Variants in MAN2B2 observed in about 807,000 individuals in gnomAD.
MAN2B2 encodes the protein epididymis-specific alpha-mannosidase.
Under a neutral mutation model 117.1 loss-of-function variants are expected in MAN2B2, and 106 were observed. The observed-to-expected ratio is 0.90, with a 90% CI of 0.77 to 1.06. The LOEUF (loss-of-function observed/expected upper bound fraction) is 1.06, where lower values mean the gene tolerates loss of function less well. MAN2B2 is among the 50% of genes least tolerant of loss of function. The pLI is 0.00. For synonymous variants in MAN2B2, 544 were observed against 595.1 expected (o/e 0.91, Z 1.25); for missense variants, 1,326 against 1,381.4 (o/e 0.96, Z 0.64).
chr4:6,593,470 G>A lies in MAN2B2; in HGVS notation c.858+120G>A, dbSNP rs1370550636. On this transcript the variant is annotated intron_variant, in intron 6 of 18. Coordinates refer to ENST00000285599, the MANE Select transcript of MAN2B2 (RefSeq NM_015274.3). Reference sequence around the variant, plus strand: ...CAGCTAGGCAGCCATGCTCAGCCCAGTGGCTCCATCCTCCTTCCCTGCAGA... The same window carrying A: ...CAGCTAGGCAGCCATGCTCAGCCCAATGGCTCCATCCTCCTTCCCTGCAGA... 31 of 1,005,418 alleles carry A rather than the reference G, an allele frequency of 3.1e-5. No homozygotes were observed. In the East Asian group the frequency reaches 9.5e-4, roughly 31 times the overall value. 62.3% of individuals were successfully genotyped at this position (1,005,418 alleles called of 1,614,324 possible).
intron 8 of MAN2B2, among the ~76,000 whole-genome samples, chr4:6,597,968 G>A (rs1200278325): frequency 1.3e-5 from 2 of 152,220 alleles, no homozygotes; most frequent in Non-Finnish European, 2.9e-5. Flanking sequence ...TCAGAGCAGG[G>A]GGTCCAGAGA....
chr4:6,579,168 C>G (rs796384500), intron 3 of MAN2B2, among the ~76,000 whole-genome samples: 1 of 73,796 alleles, frequency 1.4e-5, no homozygotes, highest in Non-Finnish European at 3.0e-5. Context: ...ATCACCACCA[C>G]CACCACCACC....
intron 4 of MAN2B2, among the ~76,000 whole-genome samples, chr4:6,587,750 G>GTTTTTTTTTT (rs201846526): frequency 3.1e-4 from 35 of 113,464 alleles, no homozygotes; most frequent in African/African-American, 1.1e-3. Flanking sequence ...TTGGGTTGTT[G>GTTTTTTTTTT]TTTTTTTTTT....
intron 3 of MAN2B2, among the ~76,000 whole-genome samples, chr4:6,579,144 C>CTT (rs1726240056): frequency 1.4e-5 from 1 of 72,944 alleles, no homozygotes; most frequent in Non-Finnish European, 3.0e-5. Flanking sequence ...ACCACCATCA[C>CTT]CACCACCATC....
intron 5 of MAN2B2, among the ~76,000 whole-genome samples, chr4:6,591,138 T>A (rs1219184432): frequency 1.3e-5 from 2 of 151,528 alleles, no homozygotes; most frequent in Non-Finnish European, 2.9e-5. Context: ...AGAATCAGAC[T>A]CTATCTCAAA....
chr4:6,575,734 T>C (rs568467187), intron 1 of MAN2B2, among the ~76,000 whole-genome samples: 109 of 152,238 alleles, frequency 7.2e-4, no homozygotes, highest in African/African-American at 2.6e-3. Context: ...GGGCTGAATA[T>C]TGGAGGCCAG....
chr4:6,609,178 G>C lies in MAN2B2; in HGVS notation c.1886G>C (p.Gly629Ala), dbSNP rs137878503. The change falls in exon 12 of 19, where the codon GGC becomes GCC. Residue 629 changes from glycine to alanine, a missense_variant. By Grantham distance (60) the Gly-to-Ala change is moderately conservative (BLOSUM62 0). Transcript: ENST00000285599. Reference protein sequence around the residue: ...EYHVNGDVKQGPISDNYLFTP... With the variant: ...EYHVNGDVKQAPISDNYLFTP... ...CACGTCAACGGGGATGTGAAACAGG[G>C]CCCCATTTCCGATAACTACCTGTTC... The C allele has an allele frequency of 1.2e-6, 2 of 1,614,254 alleles. No homozygotes were observed.
chr4:6,610,267 C>T (rs1727719940), intron 13 of MAN2B2, among the ~76,000 whole-genome samples: 1 of 152,178 alleles, frequency 6.6e-6, no homozygotes, highest in African/African-American at 2.4e-5. Context: ...AGCGATTCTC[C>T]TGCCTCAGCC....
intron 3 of MAN2B2, among the ~76,000 whole-genome samples, chr4:6,582,198 C>G (rs541815533): frequency 6.6e-6 from 1 of 152,248 alleles, no homozygotes; most frequent in Admixed American, 6.5e-5. Context: ...CCATTCAAAC[C>G]CAAGCTCTCA....
At chr4:6,579,873 C>A (rs1330806847) in intron 3 of MAN2B2, among the ~76,000 whole-genome samples, 1 of 152,218 alleles carries the variant, frequency 6.6e-6, no homozygotes, top group African/African-American at 2.4e-5. Flanking sequence ...ATCCTAATGG[C>A]GGGCTGATGG....
At chr4:6,603,552 C>A (rs1727417679) in intron 10 of MAN2B2, among the ~76,000 whole-genome samples, 1 of 152,126 alleles carries the variant, frequency 6.6e-6, no homozygotes, top group African/African-American at 2.4e-5. Flanking sequence ...CCCTTCCCCA[C>A]TCAGATGCAG....
intron 4 of MAN2B2, among the ~76,000 whole-genome samples, chr4:6,588,002 G>A (rs925064356): frequency 1.3e-5 from 2 of 151,918 alleles, no homozygotes; most frequent in African/African-American, 4.8e-5. Flanking sequence ...CAAGCGATCC[G>A]CCCACCTCAG....
chr4:6,609,184 T>C lies in MAN2B2; in HGVS notation c.1892T>C (p.Ile631Thr), dbSNP rs764780590. Reference protein sequence around the residue: ...HVNGDVKQGPISDNYLFTPGK... With the variant: ...HVNGDVKQGPTSDNYLFTPGK... ...AACGGGGATGTGAAACAGGGCCCCA[T>C]TTCCGATAACTACCTGTTCACACCG... Residue 631 changes from isoleucine to threonine, a missense_variant, in exon 12 of 19, where the codon ATT (isoleucine) becomes ACT (threonine). Physicochemically the swap from Ile to Thr is moderately conservative, Grantham distance 89 (BLOSUM62 -1). Transcript: ENST00000285599. 3 of 1,614,118 alleles carry C rather than the reference T, an allele frequency of 1.9e-6. No individual in the cohort carries two copies. Among genetic ancestry groups the C allele is most frequent in the Non-Finnish European group, 2.5e-6 (3 of 1,180,056 alleles).
rs1726658375 is a variant in MAN2B2, at chr4:6,586,993, C to A, written c.392-3C>A. The A allele has an allele frequency of 6.2e-7, 1 of 1,611,896 alleles. No homozygotes were observed. Among genetic ancestry groups the A allele is most frequent in the Non-Finnish European group, 8.5e-7 (1 of 1,178,814 alleles). On this transcript the variant is annotated splice_polypyrimidine_tract_variant and splice_region_variant and intron_variant, in intron 3 of 18. Transcript: ENST00000285599. Reference sequence around the variant, plus strand: ...CACCAGCAGGGTGTTGCTGTCTTTGCAGAAGGACACGGGTTTCTCTATGAA... The same window carrying A: ...CACCAGCAGGGTGTTGCTGTCTTTGAAGAAGGACACGGGTTTCTCTATGAA...
chr4:6,581,481 G>A (rs1726424454), intron 3 of MAN2B2, among the ~76,000 whole-genome samples: 1 of 152,068 alleles, frequency 6.6e-6, no homozygotes, highest in South Asian at 2.1e-4. Context: ...TAGGGCGGGG[G>A]CAGAGTGTGT....
At chr4:6,579,859 G>A (rs1055579763) in intron 3 of MAN2B2, among the ~76,000 whole-genome samples, 7 of 152,222 alleles carry the variant, frequency 4.6e-5, no homozygotes, top group African/African-American at 1.7e-4. Flanking sequence ...TGACACCCCA[G>A]CCAATCCTAA....
At position 6,600,789 on chromosome 4, in the gene MAN2B2, A is replaced by G. The variant is rs12639813; in HGVS notation, c.1539+33A>G. 0.48 allele frequency: 773,731 copies of G among 1,609,070 alleles called. 187,821 individuals carry two copies. The highest frequency in any genetic ancestry group is 0.66 in the East Asian group (29,660 of 44,814). ...CACAAAATCCTGCTGGAGGGGCCTT[A>G]GCTGCTTGCTGAACCTGCTCTGGGC... is the stretch of plus-strand genomic sequence containing the variant. On this transcript the variant is annotated intron_variant, in intron 10 of 18. Coordinates refer to ENST00000285599, the MANE Select transcript of MAN2B2 (RefSeq NM_015274.3).
chr4:6,600,106 C>T (rs892172582), intron 9 of MAN2B2, among the ~76,000 whole-genome samples: 2 of 152,192 alleles, frequency 1.3e-5, no homozygotes, highest in African/African-American at 4.8e-5. Flanking sequence ...CCAGACCTCA[C>T]ACACATGGGC....
chr4:6,576,650 C>G lies in MAN2B2; in HGVS notation c.211C>G (p.Arg71Gly). The change falls in exon 2 of 19, where the codon CGG (arginine) becomes GGG (glycine). Residue 71 changes from arginine (R) to glycine (G), a missense_variant. Physicochemically the swap from Arg to Gly is moderately radical, Grantham distance 125. Transcript: ENST00000285599. ...VEELARGQQR[R>G]FIAVEQEFFR... ...AGAGCTGGCCCGCGGCCAGCAGCGCCGGTTCATCGCTGTGGAGCAGGAGTT... is the reference window on the plus strand; with the variant it reads ...AGAGCTGGCCCGCGGCCAGCAGCGCGGGTTCATCGCTGTGGAGCAGGAGTT... 6.2e-7 allele frequency: 1 copy of G among 1,613,964 alleles called. No individual in the cohort carries two copies. Among genetic ancestry groups the G allele is most frequent in the Middle Eastern group, 1.7e-4 (1 of 6,060 alleles).
Sources: allele counts gnomAD v4.1 joint callset (sites outside exome capture counted in the v4.1 genomes callset), GRCh38; gene constraint gnomAD v4.1.1; transcripts MANE v1.5; gene names NCBI Gene and HGNC (gene_info 2026-07-23, HGNC 2026-07-21).